The following CPLX2 variants were observed in gnomAD, a reference collection of about 807,000 sequenced individuals.
CPLX2 encodes complexin 2.
A neutral mutation model predicts 16.3 loss-of-function variants in CPLX2; 5 were observed. The observed-to-expected ratio is 0.31, with a 90% CI of 0.16 to 0.64. The LOEUF (loss-of-function observed/expected upper bound fraction) is 0.64. Ranked by LOEUF, CPLX2 falls within the 30% of genes least tolerant of loss-of-function variation. The pLI is 0.79. For missense variants in CPLX2, 144 were observed against 181.4 expected (o/e 0.79, Z 1.18); for synonymous variants, 89 against 73.2 (o/e 1.22, Z -1.10).
At chr5:175,826,408 G>A (rs1275702381) in intron 2 of CPLX2, among the ~76,000 whole-genome samples, 1 of 152,114 alleles carries the variant, frequency 6.6e-6, no homozygotes, top group East Asian at 1.9e-4. Context: ...TATTCCCAGT[G>A]CGAAAGGACT....
At chr5:175,879,393 C>T (rs935071650) in intron 3 of CPLX2, among the ~76,000 whole-genome samples, 1 of 152,220 alleles carries the variant, frequency 6.6e-6, no homozygotes, top group Non-Finnish European at 1.5e-5. Flanking sequence ...TCGAAAAATA[C>T]CACAGTGTCC....
intron 2 of CPLX2, among the ~76,000 whole-genome samples, chr5:175,836,069 G>A (rs999769808): frequency 6.6e-6 from 1 of 152,140 alleles, no homozygotes; most frequent in African/African-American, 2.4e-5. Flanking sequence ...CAACTGACTA[G>A]GCCAGGCGCG....
intron 1 of CPLX2, among the ~76,000 whole-genome samples, chr5:175,797,557 G>A (rs1758012468): frequency 6.6e-6 from 1 of 152,144 alleles, no homozygotes; most frequent in African/African-American, 2.4e-5. Context: ...CTGCACAGAA[G>A]CCCGCGGCTG....
chr5:175,873,624 C>T (rs897457942), intron 1 of CPLX2, among the ~76,000 whole-genome samples: 2 of 152,118 alleles, frequency 1.3e-5, no homozygotes, highest in South Asian at 2.1e-4. Context: ...CAAGGAGATC[C>T]GTGAAATTGC....
chr5:175,849,299 A>T lies in CPLX2; in HGVS notation c.-88-29353A>T, dbSNP rs2113676926. On this transcript the variant is annotated intron_variant, in intron 2 of 4. Coordinates refer to the CPLX2 transcript ENST00000359546. This position sits in a 1 kb window ranked among gnomAD's most constrained non-coding sequence, Gnocchi z 4.4. ...GGCTACCCTTGGGTGAGGACAGGGT[A>T]GTGTGCTCTCTGATTCCAAAGGGAC... Among the ~76,000 whole-genome samples the T allele has an allele frequency of 6.6e-6, 1 of 152,288 alleles. No homozygotes were observed.
Position 175,821,608 on chromosome 5 carries a change from A to C in CPLX2, c.-89+12540A>C, listed in dbSNP as rs1347557420. ...TTTTTAGTAGAGACGGGATTTCACC[A>C]TGCTGGCCATGCTAGTCATGAATTC... On this transcript the variant is annotated intron_variant, in intron 2 of 4. Coordinates refer to the CPLX2 transcript ENST00000359546. 2.6e-5 allele frequency among the ~76,000 whole-genome samples: 4 copies of C among 151,968 alleles called. No individual in the cohort carries two copies. In the East Asian group the frequency reaches 5.8e-4, roughly 22 times the overall value.
chr5:175,815,491 G>A (rs1479565687), intron 2 of CPLX2, among the ~76,000 whole-genome samples: 1 of 152,080 alleles, frequency 6.6e-6, no homozygotes, highest in Non-Finnish European at 1.5e-5. Flanking sequence ...ACACAGGCAC[G>A]GGGCCCCAGG....
At chr5:175,869,528 C>T (rs541336291), upstream of CPLX2, among the ~76,000 whole-genome samples, 20 of 152,342 alleles carry the variant, frequency 1.3e-4, no homozygotes, top group Admixed American at 1.1e-3. Flanking sequence ...ATAGAAAAAG[C>T]AATAGTACTA....
chr5:175,816,270 C>G (rs187792041), intron 2 of CPLX2, among the ~76,000 whole-genome samples: 1 of 152,042 alleles, frequency 6.6e-6, no homozygotes, highest in Non-Finnish European at 1.5e-5. Context: ...TGGGTTCAAG[C>G]GATTCTCCTG....
At chr5:175,803,907 C>T (rs180831712) in intron 1 of CPLX2, among the ~76,000 whole-genome samples, 191 of 152,282 alleles carry the variant, frequency 1.3e-3, no homozygotes, top group African/African-American at 4.4e-3. Flanking sequence ...CGCTGGCAGC[C>T]GTGTGGGCGC....
chr5:175,853,619 T>C (rs1459392687), intron 2 of CPLX2, among the ~76,000 whole-genome samples: 1 of 152,146 alleles, frequency 6.6e-6, no homozygotes, highest in Non-Finnish European at 1.5e-5. Flanking sequence ...GGTAAAATTA[T>C]GAAAATAGCA....
chr5:175,801,086 A>G (rs1758086295), intron 1 of CPLX2, among the ~76,000 whole-genome samples: 1 of 151,010 alleles, frequency 6.6e-6, no homozygotes, highest in Non-Finnish European at 1.5e-5. Flanking sequence ...AGGCCCTTCT[A>G]GGCCATGGTC....
At chr5:175,822,303 C>T (rs1415568849) in intron 2 of CPLX2, among the ~76,000 whole-genome samples, 1 of 152,192 alleles carries the variant, frequency 6.6e-6, no homozygotes, top group Non-Finnish European at 1.5e-5. Flanking sequence ...TAGCATCCTT[C>T]CTTCCTAACC....
At chr5:175,823,571 C>T (rs1758552392) in intron 2 of CPLX2, among the ~76,000 whole-genome samples, 2 of 152,130 alleles carry the variant, frequency 1.3e-5, no homozygotes, top group Admixed American at 1.3e-4. Flanking sequence ...GATAGATGAA[C>T]CCCAAGTTCG....
chr5:175,879,800 TC>T, intron 3 of CPLX2, 47 bp from the exon 4 acceptor site: 1 of 1,555,898 alleles, frequency 6.4e-7, no homozygotes, highest in Non-Finnish European at 8.8e-7. Context: ...TCCTGCTGTC[TC>T]CTTGCCCACC....
intron 2 of CPLX2, among the ~76,000 whole-genome samples, chr5:175,862,967 C>T (rs1350666283): frequency 6.6e-6 from 1 of 152,216 alleles, no homozygotes; most frequent in Non-Finnish European, 1.5e-5. Flanking sequence ...AGGAGTGATG[C>T]AGTCAACTCT....
rs1277822516 is a variant in CPLX2, at chr5:175,872,377, C to T, written c.-89+672C>T. ...CTTCGGGAACGACCCCTTCTGTGCT[C>T]TCGTTCTCGTCGGCCTCAATCTGCC... On this transcript the variant is annotated intron_variant, in intron 1 of 3. Transcript: ENST00000393745. The surrounding 1 kb of genome is among the most constrained non-coding windows in gnomAD (Gnocchi z 5.0). 2.0e-5 allele frequency among the ~76,000 whole-genome samples: 3 copies of T among 152,178 alleles called. No homozygotes were observed. The highest frequency in any genetic ancestry group is 7.2e-5 in the African/African-American group (3 of 41,444).
intron 2 of CPLX2, among the ~76,000 whole-genome samples, chr5:175,862,806 G>A (rs536205220): frequency 2.6e-5 from 4 of 152,330 alleles, no homozygotes; most frequent in Admixed American, 2.6e-4. Flanking sequence ...TCTGGGGACT[G>A]GGGGACCAGA....
At chr5:175,799,542 A>ATATATATC (rs1409533277) in intron 1 of CPLX2, among the ~76,000 whole-genome samples, 4 of 79,200 alleles carry the variant, frequency 5.1e-5, no homozygotes, top group African/African-American at 1.9e-4. Flanking sequence ...CAAATTTCAT[A>ATATATATC]TATATATATA....
Sources: allele counts gnomAD v4.1 joint callset (sites outside exome capture counted in the v4.1 genomes callset), GRCh38; gene constraint gnomAD v4.1.1; non-coding constraint Gnocchi (gnomAD v3.1); transcripts MANE v1.5; gene names NCBI Gene and HGNC (gene_info 2026-07-23, HGNC 2026-07-21).